RGS22: variants seen among roughly 807,000 people sequenced by gnomAD.
RGS22 encodes the protein regulator of G-protein signaling 22.
A neutral mutation model predicts 172.9 loss-of-function variants in RGS22; 148 were observed. That is an observed-to-expected ratio of 0.86 (90% CI 0.75 to 0.98). The LOEUF (loss-of-function observed/expected upper bound fraction) is 0.98, where lower values mean the gene tolerates loss of function less well. RGS22 is among the 50% of genes least tolerant of loss of function. The probability of loss-of-function intolerance (pLI) is 0.00; values close to 1 mark genes in which losing one functional copy is unlikely to be tolerated. For missense variants in RGS22, 1,347 were observed against 1,440.8 expected, an observed-to-expected ratio of 0.93 and a Z score of 1.05; for synonymous variants, 458 against 480.2, an observed-to-expected ratio of 0.95 and a Z score of 0.60.
intron 23 of RGS22, among the ~76,000 whole-genome samples, chr8:99,968,646 A>G (rs1302660082): frequency 1.3e-5 from 2 of 152,076 alleles, no homozygotes; most frequent in African/African-American, 4.8e-5. Flanking sequence ...ATTGAAGATC[A>G]ACTTAATGAA....
intron 23 of RGS22, among the ~76,000 whole-genome samples, chr8:99,969,448 T>C (rs1006357911): frequency 1.1e-4 from 16 of 152,176 alleles, no homozygotes; most frequent in Middle Eastern, 3.4e-3. Flanking sequence ...AACTGGCAAA[T>C]TGGATAAAGA....
At chr8:100,042,986 G>C (rs1411612113) in intron 11 of RGS22, among the ~76,000 whole-genome samples, 1 of 152,134 alleles carries the variant, frequency 6.6e-6, no homozygotes, top group African/African-American at 2.4e-5. Flanking sequence ...CCTCCATTCT[G>C]ACTTGAAAGC....
intron 2 of RGS22, among the ~76,000 whole-genome samples, chr8:100,103,002 T>C (rs1037590934): frequency 2.0e-4 from 30 of 152,216 alleles, no homozygotes; most frequent in Admixed American, 6.5e-5. Context: ...AACCACCTAA[T>C]AGGGTTGTTT....
At chr8:99,968,967 G>C (rs1354214242) in intron 23 of RGS22, among the ~76,000 whole-genome samples, 1 of 152,022 alleles carries the variant, frequency 6.6e-6, no homozygotes, top group African/African-American at 2.4e-5. Context: ...AAAATATTAG[G>C]GGCAGCCAGA....
intron 9 of RGS22, among the ~76,000 whole-genome samples, chr8:100,056,027 G>A (rs893049679): frequency 6.6e-6 from 1 of 152,190 alleles, no homozygotes; most frequent in Non-Finnish European, 1.5e-5. Flanking sequence ...GCAAAGTCTG[G>A]AACTTCCTAG....
intron 2 of RGS22, 111 bp from the exon 3 acceptor site, chr8:100,093,620 C>T: frequency 6.9e-6 from 5 of 722,574 alleles, no homozygotes; most frequent in Non-Finnish European, 9.3e-6. Context: ...CTTCAAATCT[C>T]TTTTAGTCAG....
Position 100,052,897 on chromosome 8 carries a change from C to T in RGS22, c.1594G>A (p.Ala532Thr). 2 of 1,614,074 alleles carry T rather than the reference C, an allele frequency of 1.2e-6. No homozygotes were observed. The highest frequency in any genetic ancestry group is 1.3e-5 in the African/African-American group (1 of 75,012). ...GGGTCAATATCCTTCCTTGGTTTTG[C>T]TTGACGGAGGTGCCAGAATTTCAGT... Reference protein sequence around the residue: ...AELKFWHLRQAKPRKDIDPFP... With the variant: ...AELKFWHLRQTKPRKDIDPFP... The change falls in exon 10 of 28, where the codon GCA becomes ACA. Residue 532 changes from alanine (A) to threonine (T), a missense_variant. Physicochemically the swap from Ala to Thr is moderately conservative, Grantham distance 58. Transcript: ENST00000360863.
At chr8:100,020,946 C>T (rs3133683) in intron 14 of RGS22, among the ~76,000 whole-genome samples, 90,897 of 152,038 alleles carry the variant, frequency 0.6, 27,322 homozygotes, top group Admixed American at 0.66. Flanking sequence ...AGTGACGTCA[C>T]TTTGGCAGCT....
intron 9 of RGS22, among the ~76,000 whole-genome samples, chr8:100,055,526 A>G (rs554237301): frequency 1.3e-5 from 2 of 152,124 alleles, no homozygotes; most frequent in East Asian, 3.9e-4. Context: ...GGGTACAAAA[A>G]AGCCCAGGTA....
chr8:99,965,563 T>C (rs1386920956), intron 23 of RGS22, 133 bp from the exon 24 acceptor site: 2 of 550,926 alleles, frequency 3.6e-6, no homozygotes, highest in East Asian at 6.1e-5. Context: ...TTTCATCAAG[T>C]CAATATCACT....
At chr8:99,977,264 C>T (rs1007161533) in intron 23 of RGS22, among the ~76,000 whole-genome samples, 5 of 148,712 alleles carry the variant, frequency 3.4e-5, no homozygotes. Flanking sequence ...CTGCCACGCC[C>T]GGTTAATTTT....
chr8:100,060,402 G>GTATATATATACATATATATATATATATA (rs1810018424), intron 9 of RGS22, among the ~76,000 whole-genome samples: 1 of 102,934 alleles, frequency 9.7e-6, no homozygotes. Flanking sequence ...TTAGCTACGT[G>GTATATATATACATATATATATATATATA]TATATATATA....
At chr8:100,023,099 GC>G (rs1331976391) in intron 14 of RGS22, among the ~76,000 whole-genome samples, 3 of 152,114 alleles carry the variant, frequency 2.0e-5, no homozygotes, top group Non-Finnish European at 4.4e-5. Context: ...TGCTAACAAA[GC>G]ACACAGGACT....
chr8:100,049,186 C>A (rs866247602), intron 10 of RGS22, among the ~76,000 whole-genome samples: 1 of 151,924 alleles, frequency 6.6e-6, no homozygotes, highest in Non-Finnish European at 1.5e-5. Flanking sequence ...TAGCAGAGGG[C>A]GGTATAAAGG....
chr8:100,004,215 A>G (rs1815427920), intron 16 of RGS22, 117 bp from the exon 17 acceptor site: 3 of 1,252,406 alleles, frequency 2.4e-6, no homozygotes, highest in Non-Finnish European at 3.1e-6. Context: ...TAATAATTCA[A>G]TGGCAGAGTG....
chr8:100,026,433 TTTTC>T (rs1471143218), intron 14 of RGS22, among the ~76,000 whole-genome samples: 1 of 152,220 alleles, frequency 6.6e-6, no homozygotes, highest in South Asian at 2.1e-4. Flanking sequence ...AGCTTTTGCG[TTTTC>T]TTTTTCTCTT....
chr8:100,023,523 T>A (rs1471969308), intron 14 of RGS22, among the ~76,000 whole-genome samples: 4 of 152,134 alleles, frequency 2.6e-5, no homozygotes, highest in Non-Finnish European at 4.4e-5. Context: ...AGCCTCCAAT[T>A]CCTGGGCTCA....
At chr8:100,039,389 T>G (rs1282888914) in intron 13 of RGS22, among the ~76,000 whole-genome samples, 1 of 151,866 alleles carries the variant, frequency 6.6e-6, no homozygotes, top group Non-Finnish European at 1.5e-5. Flanking sequence ...TTTTTTTTTT[T>G]TTTTTTGAGA....
rs1387440983 is a variant in RGS22 at position 100,039,961 on chromosome 8, C to T, written c.2064+1G>A. 6.6e-7 allele frequency: 1 copy of T among 1,508,886 alleles called. No homozygotes were observed. Among genetic ancestry groups the T allele is most frequent in the Non-Finnish European group, 8.9e-7 (1 of 1,125,496 alleles). 93.5% of individuals were successfully genotyped at this position (1,508,886 alleles called of 1,614,324 possible). ...TTAAATTTTAAATAATTCTTTTCTA[C>T]CTTGTTCCCTGAATGCTCGCAGAAT... On this transcript the variant is annotated splice_donor_variant, in intron 13 of 27. Coordinates refer to ENST00000360863, the MANE Select transcript of RGS22 (RefSeq NM_015668.5). LOFTEE classifies it high-confidence loss of function.
Sources: allele counts gnomAD v4.1 joint callset (sites outside exome capture counted in the v4.1 genomes callset), GRCh38; gene constraint gnomAD v4.1.1; transcripts MANE v1.5; gene names NCBI Gene and HGNC (gene_info 2026-07-23, HGNC 2026-07-21).